Variants in CLIC5 observed in about 807,000 individuals in gnomAD.
CLIC5 encodes the protein chloride intracellular channel protein 5.
A neutral mutation model predicts 24.7 loss-of-function variants in CLIC5; 20 were observed. The observed-to-expected ratio is 0.81, with a 90% CI of 0.57 to 1.18. CLIC5 has a LOEUF of 1.18. Ranked by LOEUF, CLIC5 falls within the 50% of genes most tolerant of loss-of-function variation. The pLI is 0.00. For synonymous variants in CLIC5, 159 were observed against 135.6 expected (o/e 1.17, Z -1.20); for missense variants, 341 against 326.1 (o/e 1.05, Z -0.35).
chr6:45,944,785 C>G (rs994274482), intron 3 of CLIC5, among the ~76,000 whole-genome samples: 1 of 152,056 alleles, frequency 6.6e-6, no homozygotes, highest in African/African-American at 2.4e-5. Context: ...GGGATAGATA[C>G]CCTGGAGAAA....
At chr6:46,017,018 T>C (rs1413398555), upstream of CLIC5, among the ~76,000 whole-genome samples, 3 of 152,222 alleles carry the variant, frequency 2.0e-5, no homozygotes, top group African/African-American at 7.2e-5. Context: ...CATCTTTTGG[T>C]TGGATTCACA....
At chr6:45,913,455 A>G (rs1762894134) in intron 5 of CLIC5, among the ~76,000 whole-genome samples, 1 of 152,216 alleles carries the variant, frequency 6.6e-6, no homozygotes, top group African/African-American at 2.4e-5. Flanking sequence ...GTAAAGAACA[A>G]TGATTTAATA....
intron 5 of CLIC5, 111 bp from the exon 6 acceptor site, chr6:45,903,366 C>A: frequency 1.2e-6 from 1 of 829,762 alleles, no homozygotes; most frequent in East Asian, 3.1e-5. Flanking sequence ...CCGTGCATCA[C>A]CACGGGCCAT....
intron 1 of CLIC5, among the ~76,000 whole-genome samples, chr6:46,074,078 T>G (rs1762695835): frequency 6.6e-6 from 1 of 152,106 alleles, no homozygotes; most frequent in Admixed American, 6.6e-5. Context: ...AGCCTACAAA[T>G]CAGTAATGTT....
chr6:45,986,018 T>TAC (rs954579250), intron 1 of CLIC5, among the ~76,000 whole-genome samples: 107 of 152,270 alleles, frequency 7.0e-4, no homozygotes, highest in African/African-American at 2.6e-3. Context: ...GGAGTTCCCC[T>TAC]ACACAAGCTC....
chr6:45,979,207 G>A (rs1765487038), intron 1 of CLIC5, among the ~76,000 whole-genome samples: 2 of 152,110 alleles, frequency 1.3e-5, no homozygotes, highest in Admixed American at 6.6e-5. Context: ...ATATCTCACA[G>A]TGCCATGAAG....
intron 1 of CLIC5, among the ~76,000 whole-genome samples, chr6:45,956,616 T>C (rs1483580812): frequency 6.6e-6 from 1 of 152,154 alleles, no homozygotes; most frequent in Non-Finnish European, 1.5e-5. Flanking sequence ...AGAACCTCAT[T>C]GTGTGCTTTT....
At chr6:45,965,304 T>C (rs145295388) in intron 1 of CLIC5, among the ~76,000 whole-genome samples, 41 of 152,320 alleles carry the variant, frequency 2.7e-4, no homozygotes, top group African/African-American at 7.9e-4. Context: ...GACTATTGAA[T>C]TTCTGTGAAA....
At chr6:46,089,081 A>G in the CLIC5 span, among the ~76,000 whole-genome samples, 1 of 152,180 alleles carries the variant, frequency 6.6e-6, no homozygotes, top group Non-Finnish European at 1.5e-5. Context: ...TTTAAATTCT[A>G]TTTTGGTGTT....
At chr6:46,006,380 A>G (rs9689703) in intron 1 of CLIC5, among the ~76,000 whole-genome samples, 50,785 of 151,014 alleles carry the variant, frequency 0.34, 8,688 homozygotes, top group Middle Eastern at 0.46. Context: ...TCTTGACCTC[A>G]TGATCTGCCC....
At chr6:46,005,426 C>T (rs1766515096) in intron 1 of CLIC5, among the ~76,000 whole-genome samples, 1 of 152,180 alleles carries the variant, frequency 6.6e-6, no homozygotes. Flanking sequence ...CTGCAAAGGC[C>T]TCCCACGCCA....
At position 46,048,851 on chromosome 6, in the gene CLIC5, C is replaced by T. The variant is rs1768028786; in HGVS notation, c.540+30852G>A. On this transcript the variant is annotated intron_variant, in intron 1 of 5. Transcript: ENST00000185206. Reference sequence around the variant, plus strand: ...TCAGGCACATGCAGTGGCTTAGCATCAGAATGCGTGGTTCAGACCGTGGCC... The same window carrying T: ...TCAGGCACATGCAGTGGCTTAGCATTAGAATGCGTGGTTCAGACCGTGGCC... Among the ~76,000 whole-genome samples, 3 of 152,256 alleles carry T rather than the reference C, an allele frequency of 2.0e-5. No individual in the cohort carries two copies. In the South Asian group the frequency reaches 6.2e-4, roughly 32 times the overall value.
At chr6:46,106,268 C>A in the CLIC5 span, among the ~76,000 whole-genome samples, 67,921 of 151,868 alleles carry the variant, frequency 0.45, 16,441 homozygotes, top group South Asian at 0.68. Flanking sequence ...CCACCATGCC[C>A]AGCTAATTTT....
At chr6:45,990,793 C>T (rs974148173) in intron 1 of CLIC5, among the ~76,000 whole-genome samples, 1 of 152,192 alleles carries the variant, frequency 6.6e-6, no homozygotes, top group African/African-American at 2.4e-5. Flanking sequence ...TTCAGACTGT[C>T]AGCTCCCTTA....
intron 1 of CLIC5, among the ~76,000 whole-genome samples, chr6:46,034,013 A>G (rs1055988846): frequency 3.1e-4 from 47 of 152,378 alleles, no homozygotes; most frequent in Admixed American, 1.0e-3. Context: ...GCCACATGTT[A>G]GTATAACATA....
At position 45,939,402 on chromosome 6, in the gene CLIC5, C is replaced by A. The variant is rs145501617; in HGVS notation, c.406+2145G>T. ...CTAATTTTTGTATTTTTAGTGGAGA[C>A]GGGGGTCTCAGACTCCTGACCTCAG... On this transcript the variant is annotated intron_variant, in intron 4 of 5. Transcript: ENST00000339561. Among the ~76,000 whole-genome samples the A allele has an allele frequency of 3.4e-3, 508 of 151,512 alleles. 3 individuals are homozygous for A. The highest frequency in any genetic ancestry group is 0.012 in the African/African-American group (479 of 41,302).
chr6:45,912,595 AG>A, intron 5 of CLIC5: 1 of 1,449,890 alleles, frequency 6.9e-7, no homozygotes, highest in Non-Finnish European at 9.2e-7. Context: ...AATTCCAAAA[AG>A]ATTAAATGAT....
rs114587848 is a variant in CLIC5, at chr6:45,926,058, A to G, written c.407-11649T>C. 1.8e-3 allele frequency among the ~76,000 whole-genome samples: 273 copies of G among 152,160 alleles called. 1 individual carries two copies. The highest frequency in any genetic ancestry group is 6.2e-3 in the African/African-American group (256 of 41,534). On this transcript the variant is annotated intron_variant, in intron 4 of 5. Transcript: ENST00000339561. ...ACTATCATTGCAAACATCAGTGGGC[A>G]TGAGACCATCAGAGTTAGAGCTGAG...
chr6:46,078,516 C>A (rs371375098), intron 1 of CLIC5, among the ~76,000 whole-genome samples: 18 of 152,064 alleles, frequency 1.2e-4, no homozygotes, highest in African/African-American at 4.3e-4. Context: ...CTCTGAACAC[C>A]CACACACTCC....
Sources: allele counts gnomAD v4.1 joint callset (sites outside exome capture counted in the v4.1 genomes callset), GRCh38; gene constraint gnomAD v4.1.1; transcripts MANE v1.5; gene names NCBI Gene and HGNC (gene_info 2026-07-23, HGNC 2026-07-21).